Variants in GLDC observed in about 807,000 individuals in gnomAD.
GLDC encodes the protein glycine dehydrogenase (decarboxylating), mitochondrial.
In GLDC, 104 loss-of-function variants were observed where a neutral mutation model predicts 121.3. The observed-to-expected ratio is 0.86, with a 90% confidence interval of 0.73 to 1.01. The LOEUF (loss-of-function observed/expected upper bound fraction) is 1.01, where lower values mean the gene tolerates loss of function less well. GLDC is among the 50% of genes least tolerant of loss of function. The probability of loss-of-function intolerance (pLI) is 0.00; values close to 1 mark genes in which losing one functional copy is unlikely to be tolerated. For missense variants in GLDC, 1,429 were observed against 1,306.6 expected, an observed-to-expected ratio of 1.09 and a Z score of -1.44; for synonymous variants, 546 against 480.6, an observed-to-expected ratio of 1.14 and a Z score of -1.78.
chr9:6,590,233 G>C (rs1192663153), intron 11 of GLDC, among the ~76,000 whole-genome samples: 1 of 151,922 alleles, frequency 6.6e-6, no homozygotes, highest in Non-Finnish European at 1.5e-5. Context: ...TTAAGAGACT[G>C]ACTACCCACA....
At chr9:6,535,947 C>T (rs1486236502) in intron 23 of GLDC, 117 bp downstream of exon 23, 3 of 904,962 alleles carry the variant, frequency 3.3e-6, no homozygotes, top group Non-Finnish European at 5.5e-6. Context: ...GAAGAATTAC[C>T]TTATTCTAGG....
At position 6,565,439 on chromosome 9, in the gene GLDC, A is replaced by G. The variant is rs1563839761; in HGVS notation, c.1851-10T>C. 6.2e-7 allele frequency: 1 copy of G among 1,608,046 alleles called. No homozygotes were observed. Among genetic ancestry groups the G allele is most frequent in the Admixed American group, 1.7e-5 (1 of 60,008 alleles). On this transcript the variant is annotated splice_polypyrimidine_tract_variant and intron_variant, in intron 15 of 24. Coordinates refer to ENST00000321612, the MANE Select transcript of GLDC (RefSeq NM_000170.3). ...TTCTCCCTGGGCTCCGCTTGCAAAG[A>G]CAAGAAGAAAGGGATCACGGTTAGG...
At chr9:6,552,750 T>G (rs1817540950) in intron 20 of GLDC, among the ~76,000 whole-genome samples, 1 of 152,080 alleles carries the variant, frequency 6.6e-6, no homozygotes, top group Non-Finnish European at 1.5e-5. Flanking sequence ...CAGGGCAGTG[T>G]GAACAAGAAC....
intron 7 of GLDC, among the ~76,000 whole-genome samples, chr9:6,604,384 T>A (rs1052049631): frequency 6.6e-6 from 1 of 152,146 alleles, no homozygotes; most frequent in Non-Finnish European, 1.5e-5. Flanking sequence ...TACACAAAAT[T>A]TTTCAAAAAT....
In GLDC at chr9:6,574,154, C is replaced by T. The variant is rs554043025; in HGVS notation, c.1851-8725G>A. Among the ~76,000 whole-genome samples, 191 of 144,654 alleles carry T rather than the reference C, an allele frequency of 1.3e-3. 3 individuals carry two copies. Among genetic ancestry groups the T allele is most frequent in the African/African-American group, 4.4e-3 (181 of 41,324 alleles). 94.9% of individuals were successfully genotyped at this position (144,654 alleles called of 152,430 possible). On this transcript the variant is annotated intron_variant, in intron 15 of 24. Coordinates refer to ENST00000321612, the MANE Select transcript of GLDC (RefSeq NM_000170.3). The stretch of plus-strand genomic sequence containing the variant: ...GAGCGCCTCAGAGCAGTGGTTCTCA[C>T]GCTCAGTCTAGTTCCCAGACAATAG...
At chr9:6,589,695 G>A (rs1488329539) in intron 11 of GLDC, among the ~76,000 whole-genome samples, 4 of 152,118 alleles carry the variant, frequency 2.6e-5, no homozygotes, top group Admixed American at 2.6e-4. Flanking sequence ...CCAAAGTGCT[G>A]GGATTACAGT....
chr9:6,558,140 C>A, intron 17 of GLDC: 1 of 291,888 alleles, frequency 3.4e-6, no homozygotes, highest in Non-Finnish European at 6.4e-6. Context: ...AACCAAGCTG[C>A]ATGATGCCAG....
chr9:6,558,015 C>T (rs748643438), intron 17 of GLDC: 14 of 211,768 alleles, frequency 6.6e-5, no homozygotes, highest in African/African-American at 3.0e-4. Context: ...CATTGCTATT[C>T]CACTGGTTTC....
chr9:6,534,538 C>A (rs916911778), intron 24 of GLDC, among the ~76,000 whole-genome samples, 170 bp downstream of exon 24: 1 of 152,178 alleles, frequency 6.6e-6, no homozygotes, highest in African/African-American at 2.4e-5. Flanking sequence ...TACTGTGTGA[C>A]CTCGCCTCTG....
At chr9:6,637,636 T>C (rs1173185759) in intron 2 of GLDC, among the ~76,000 whole-genome samples, 1 of 151,942 alleles carries the variant, frequency 6.6e-6, no homozygotes, top group Non-Finnish European at 1.5e-5. Flanking sequence ...CCAGCTAATT[T>C]TTGTATTTTT....
At chr9:6,626,566 GC>G (rs1819242364) in intron 2 of GLDC, among the ~76,000 whole-genome samples, 1 of 152,048 alleles carries the variant, frequency 6.6e-6, no homozygotes, top group South Asian at 2.1e-4. Flanking sequence ...ATACTAATTG[GC>G]CTTTTAAAAA....
chr9:6,637,505 A>G (rs912833098), intron 2 of GLDC, among the ~76,000 whole-genome samples: 2 of 151,748 alleles, frequency 1.3e-5, no homozygotes, highest in African/African-American at 4.8e-5. Flanking sequence ...GCTGGTGTGC[A>G]GTGGCGCAAT....
intron 2 of GLDC, among the ~76,000 whole-genome samples, chr9:6,622,610 C>T (rs1048812929): frequency 3.9e-5 from 6 of 152,084 alleles, no homozygotes; most frequent in African/African-American, 7.2e-5. Context: ...ACCTCCCAGC[C>T]GCCTGCCTTG....
rs548284881 is a variant in GLDC, at chr9:6,597,324, A to G, written c.1156-2205T>C. 1.3e-3 allele frequency among the ~76,000 whole-genome samples: 201 copies of G among 152,356 alleles called. 2 individuals are homozygous for G. Among genetic ancestry groups the G allele is most frequent in the African/African-American group, 4.3e-3 (177 of 41,590 alleles). On this transcript the variant is annotated intron_variant, in intron 8 of 24. Transcript: ENST00000321612. ...GTGATAGTTGCACAACCTTGTAAAT[A>G]GAGTAAAAACCATTGAGCTGTATAC... is the stretch of plus-strand genomic sequence containing the variant.
intron 3 of GLDC, among the ~76,000 whole-genome samples, chr9:6,614,372 C>T (rs757815129): frequency 2.0e-5 from 3 of 151,536 alleles, no homozygotes; most frequent in Non-Finnish European, 2.9e-5. Flanking sequence ...GTGGCTGGGA[C>T]TACAGGCATG....
In GLDC at chr9:6,629,815, A is replaced by T. The variant is rs181467639; in HGVS notation, c.335-9496T>A. 3.7e-3 allele frequency among the ~76,000 whole-genome samples: 558 copies of T among 150,992 alleles called. 2 individuals are homozygous for T. The highest frequency in any genetic ancestry group is 5.3e-3 in the Non-Finnish European group (358 of 67,874). On this transcript the variant is annotated intron_variant, in intron 2 of 24. Transcript: ENST00000321612. ...ACAATATTGTTATCATTTATATTTT[A>T]AAAATAATTATATGTGCATCTGTTT...
chr9:6,595,417 T>A (rs1034717025), intron 8 of GLDC, among the ~76,000 whole-genome samples: 3 of 152,072 alleles, frequency 2.0e-5, no homozygotes, highest in African/African-American at 7.2e-5. Flanking sequence ...CACACTACCA[T>A]CAGACATTGA....
chr9:6,550,768 A>T (rs1182627869), intron 21 of GLDC, 35 bp downstream of exon 21: 2 of 1,440,240 alleles, frequency 1.4e-6, no homozygotes, highest in Non-Finnish European at 2.0e-6. Flanking sequence ...CCAAGAAAAA[A>T]ACCAAAGTAA....
chr9:6,586,845 C>A (rs1818281562), intron 15 of GLDC, among the ~76,000 whole-genome samples: 1 of 152,102 alleles, frequency 6.6e-6, no homozygotes, highest in South Asian at 2.1e-4. Context: ...CATTCTGAAC[C>A]CCGACATTGT....
Sources: allele counts gnomAD v4.1 joint callset (sites outside exome capture counted in the v4.1 genomes callset), GRCh38; gene constraint gnomAD v4.1.1; transcripts MANE v1.5; gene names NCBI Gene and HGNC (gene_info 2026-07-23, HGNC 2026-07-21).